RHOBTB3: variants seen among roughly 807,000 people sequenced by gnomAD.
RHOBTB3 encodes the protein rho-related BTB domain-containing protein 3.
A neutral mutation model predicts 67.2 loss-of-function variants in RHOBTB3; 47 were observed. That is an observed-to-expected ratio of 0.70 (90% CI 0.55 to 0.89). The LOEUF is 0.89. RHOBTB3 is among the 40% of genes least tolerant of loss of function. The probability of loss-of-function intolerance (pLI) is 0.00; values close to 1 mark genes in which losing one functional copy is unlikely to be tolerated. For synonymous variants in RHOBTB3, 273 were observed against 274.2 expected, an observed-to-expected ratio of 1.00 and a Z score of 0.04; for missense variants, 631 against 750.0, an observed-to-expected ratio of 0.84 and a Z score of 1.85.
chr5:95,769,993 TG>T, intron 8 of RHOBTB3: 2 of 413,180 alleles, frequency 4.8e-6, no homozygotes, highest in Non-Finnish European at 9.7e-6. Context: ...CTCTTGCTGT[TG>T]GTGGTGCAGT....
intron 8 of RHOBTB3, among the ~76,000 whole-genome samples, chr5:95,775,518 G>A (rs1287223076): frequency 6.6e-6 from 1 of 151,220 alleles, no homozygotes; most frequent in East Asian, 1.9e-4. Flanking sequence ...AAATGGAAAT[G>A]TTGAAACATT....
chr5:95,770,306 A>G, intron 8 of RHOBTB3: 1 of 282,600 alleles, frequency 3.5e-6, no homozygotes, highest in Non-Finnish European at 7.3e-6. Flanking sequence ...GCTACTGAAG[A>G]AGACATCATT....
chr5:95,724,147 A>C (rs1754980520), intron 1 of RHOBTB3, among the ~76,000 whole-genome samples: 1 of 152,248 alleles, frequency 6.6e-6, no homozygotes, highest in Non-Finnish European at 1.5e-5. Flanking sequence ...TTTATACTTC[A>C]TGACACAGCA....
In RHOBTB3 at chr5:95,731,952, C is replaced by A. The variant is rs1270376379; in HGVS notation, c.96C>A (p.Ser32Arg). Residue 32 changes from serine (S) to arginine (R), a missense_variant, in exon 2 of 12, where the codon AGC becomes AGA. Physicochemically the swap from Ser to Arg is moderately radical, Grantham distance 110. Transcript: ENST00000379982. ...TTATCCGCACTTACCTGGGGAGAAG[C>A]CCTCTGGTCTCCGGGGACGAGAGCA... ...SGLIRTYLGR[S>R]PLVSGDESSL... is the part of the protein sequence containing the mutation. 2 of 1,614,146 alleles carry A rather than the reference C, an allele frequency of 1.2e-6. No homozygotes were observed. The highest frequency in any genetic ancestry group is 1.3e-5 in the African/African-American group (1 of 75,046).
At position 95,718,139 on chromosome 5, in the gene RHOBTB3, A is replaced by T. The variant is rs140109172; in HGVS notation, n.133+374A>T. ...CAAGTGAAAAAGTTAAATAAACCTG[A>T]ACTAAAAGATACTTTCCCTCTTTTT... On this transcript the variant is annotated intron_variant and non_coding_transcript_variant, in intron 1 of 5. Coordinates refer to the RHOBTB3 transcript ENST00000504949. Among the ~76,000 whole-genome samples the T allele has an allele frequency of 1.0e-3, 158 of 152,344 alleles. 2 individuals carry two copies. Among genetic ancestry groups the T allele is most frequent in the African/African-American group, 3.3e-3 (136 of 41,570 alleles).
chr5:95,768,998 A>C (rs1580418302), intron 8 of RHOBTB3: 1 of 221,772 alleles, frequency 4.5e-6, no homozygotes, highest in East Asian at 1.2e-4. Flanking sequence ...GCCCCATAGA[A>C]ATACTTGGAT....
intron 4 of RHOBTB3, among the ~76,000 whole-genome samples, chr5:95,749,436 A>G (rs956598672): frequency 2.6e-5 from 4 of 152,254 alleles, no homozygotes; most frequent in African/African-American, 9.6e-5. Context: ...ATTTCCATCA[A>G]ATATAAATGG....
chr5:95,771,972 T>A (rs1745727986), intron 8 of RHOBTB3, among the ~76,000 whole-genome samples: 1 of 151,936 alleles, frequency 6.6e-6, no homozygotes, highest in African/African-American at 2.4e-5. Context: ...AAAAAAAGTC[T>A]AGTTTATGGA....
At chr5:95,719,584 C>T (rs527459531) in intron 1 of RHOBTB3, 1 of 152,320 alleles carries the variant, frequency 6.6e-6, no homozygotes, top group African/African-American at 2.4e-5. Context: ...TACATCACTA[C>T]TTGATATGAG....
chr5:95,783,692 G>A (rs929805207), intron 9 of RHOBTB3, 105 bp from the exon 10 acceptor site: 9 of 928,026 alleles, frequency 9.7e-6, no homozygotes, highest in African/African-American at 1.6e-5. Flanking sequence ...GGATGCTACG[G>A]TCAGCATGTT....
At chr5:95,765,467 G>T (rs1158741614) in intron 7 of RHOBTB3, among the ~76,000 whole-genome samples, 1 of 152,194 alleles carries the variant, frequency 6.6e-6, no homozygotes, top group African/African-American at 2.4e-5. Flanking sequence ...TGCTTTCCCA[G>T]GGTAAGGGGC....
At chr5:95,763,643 A>C in intron 7 of RHOBTB3, 23 bp downstream of exon 7, 1 of 1,400,160 alleles carries the variant, frequency 7.1e-7, no homozygotes, top group Non-Finnish European at 1.0e-6. Context: ...GTTGTAAGTT[A>C]GTTTACTTTG....
At chr5:95,784,544 T>C (rs895952953) in intron 10 of RHOBTB3, among the ~76,000 whole-genome samples, 12 of 152,192 alleles carry the variant, frequency 7.9e-5, no homozygotes, top group Non-Finnish European at 1.3e-4. Context: ...CTGGGCCTCT[T>C]GTAAGCTCGG....
intron 8 of RHOBTB3, chr5:95,769,504 T>G (rs575389837): frequency 5.6e-5 from 10 of 177,320 alleles, no homozygotes; most frequent in Non-Finnish European, 1.2e-4. Flanking sequence ...CTTGAAGAAA[T>G]TATTCAGTTT....
intron 10 of RHOBTB3, among the ~76,000 whole-genome samples, chr5:95,788,507 G>T (rs1237348179): frequency 6.6e-6 from 1 of 152,144 alleles, no homozygotes; most frequent in East Asian, 1.9e-4. Context: ...GCTTAAAGAC[G>T]TTTGGCCACT....
At chr5:95,783,589 G>C in intron 9 of RHOBTB3, 1 of 197,188 alleles carries the variant, frequency 5.1e-6, no homozygotes. Context: ...AAAAAAAGAA[G>C]AAGAAGAAAG....
At chr5:95,786,999 GTTCT>G (rs1746242339) in intron 10 of RHOBTB3, among the ~76,000 whole-genome samples, 3 of 152,116 alleles carry the variant, frequency 2.0e-5, no homozygotes, top group Non-Finnish European at 4.4e-5. Flanking sequence ...TCATTCCTCA[GTTCT>G]TTCATTCCTG....
intron 8 of RHOBTB3, chr5:95,770,124 A>G: frequency 3.8e-6 from 1 of 264,678 alleles, no homozygotes; most frequent in Non-Finnish European, 7.8e-6. Context: ...AATTGTATTC[A>G]AGAAATCATT....
chr5:95,766,670 C>A (rs1349550500), intron 7 of RHOBTB3, among the ~76,000 whole-genome samples: 4 of 151,714 alleles, frequency 2.6e-5, no homozygotes, highest in African/African-American at 4.8e-5. Flanking sequence ...GGAGGCCAGC[C>A]CTTGACTTCC....
Sources: gnomAD v4.1 joint callset for allele counts (sites outside exome capture counted in the v4.1 genomes callset) on GRCh38, gnomAD v4.1.1 for gene constraint, MANE v1.5 for transcripts, NCBI Gene and HGNC (gene_info 2026-07-23, HGNC 2026-07-21) for gene names.